Variants in LY96 observed in about 807,000 individuals in gnomAD.
The protein encoded by LY96 is lymphocyte antigen 96, also known as myeloid differentiation protein-2.
A neutral mutation model predicts 18.9 loss-of-function variants in LY96; 18 were observed. The observed-to-expected ratio is 0.95, with a 90% confidence interval of 0.66 to 1.41. LY96 has a LOEUF of 1.41. Among genes scored for constraint, LY96 ranks in the 40% most tolerant of loss-of-function variants. The pLI, the probability that LY96 is intolerant of heterozygous loss-of-function variation, is 0.00. For missense variants in LY96, 175 were observed against 182.4 expected (o/e 0.96, Z 0.23); for synonymous variants, 66 against 62.6 (o/e 1.06, Z -0.26).
chr8:74,011,414 A>T (rs563962066), intron 3 of LY96, among the ~76,000 whole-genome samples: 6 of 152,368 alleles, frequency 3.9e-5, no homozygotes, highest in African/African-American at 1.2e-4. Flanking sequence ...GCTTCTGCAT[A>T]GCAAAAGAAA....
chr8:74,079,240 G>T, the LY96 span, among the ~76,000 whole-genome samples: 2 of 152,174 alleles, frequency 1.3e-5, no homozygotes, highest in Non-Finnish European at 2.9e-5. Context: ...TCACACTCAG[G>T]CTGGAATTAC....
chr8:74,018,368 G>A (rs945261659), intron 3 of LY96, among the ~76,000 whole-genome samples: 3 of 152,228 alleles, frequency 2.0e-5, no homozygotes, highest in Non-Finnish European at 2.9e-5. Context: ...AACAAGAAGA[G>A]CTAACTATCC....
the LY96 span, among the ~76,000 whole-genome samples, chr8:74,069,575 A>AATTT: frequency 0.013 from 1,941 of 152,002 alleles, 39 homozygotes; most frequent in African/African-American, 0.039. Flanking sequence ...GCAGCCAATC[A>AATTT]ATTTATTTAT....
chr8:74,018,979 C>G (rs1816702333), intron 3 of LY96, among the ~76,000 whole-genome samples: 1 of 152,126 alleles, frequency 6.6e-6, no homozygotes, highest in African/African-American at 2.4e-5. Context: ...CAGAAAAGAT[C>G]TAAAATCGAC....
chr8:74,036,798 A>G, the LY96 span, among the ~76,000 whole-genome samples: 382 of 152,342 alleles, frequency 2.5e-3, no homozygotes, highest in African/African-American at 8.8e-3. Context: ...TTGATTACAC[A>G]TTAAGCTCTC....
At chr8:74,079,056 T>C in the LY96 span, among the ~76,000 whole-genome samples, 3 of 152,220 alleles carry the variant, frequency 2.0e-5, no homozygotes, top group Admixed American at 1.3e-4. Flanking sequence ...AACATTAGCA[T>C]TTGAATCAGT....
the LY96 span, among the ~76,000 whole-genome samples, chr8:74,034,843 G>A: frequency 6.6e-6 from 1 of 152,156 alleles, no homozygotes; most frequent in East Asian, 1.9e-4. Flanking sequence ...TTGAGGGATA[G>A]AATTAAGTCA....
the LY96 span, among the ~76,000 whole-genome samples, chr8:74,086,100 C>T: frequency 1.3e-5 from 2 of 152,100 alleles, no homozygotes; most frequent in African/African-American, 2.4e-5. Flanking sequence ...ATGGGTTCAA[C>T]TTTTTTAGAT....
the LY96 span, among the ~76,000 whole-genome samples, chr8:74,093,502 C>T: frequency 6.6e-6 from 1 of 152,136 alleles, no homozygotes. Context: ...AATATGAATC[C>T]TAAAAGTTTA....
At chr8:74,080,985 TC>T in the LY96 span, among the ~76,000 whole-genome samples, 38 of 24,602 alleles carry the variant, frequency 1.5e-3, no homozygotes, top group African/African-American at 5.0e-3. Flanking sequence ...TCTTTCTCTC[TC>T]TTTCTTTCTT....
rs757284442 is a variant in LY96, at chr8:74,010,082, G to A, written c.284G>A (p.Cys95Tyr). 7.4e-6 allele frequency: 12 copies of A among 1,613,086 alleles called. No individual in the cohort carries two copies. The highest frequency in any genetic ancestry group is 9.3e-6 in the Non-Finnish European group (11 of 1,179,390). ...MNLPKRKEVI[C>Y]RGSDDDYSFC... ...CTTCCAAAGCGCAAAGAAGTTATTT[G>A]CCGAGGATCTGATGACGATTACTCT... Residue 95 changes from cysteine (C) to tyrosine (Y), a missense_variant, in exon 3 of 5, where the codon TGC becomes TAC. Physicochemically the swap from Cys to Tyr is radical, Grantham distance 194. Coordinates refer to ENST00000284818, the MANE Select transcript of LY96 (RefSeq NM_015364.5).
the LY96 span, among the ~76,000 whole-genome samples, chr8:74,083,992 T>C: frequency 1.3e-5 from 2 of 152,086 alleles, no homozygotes. Flanking sequence ...CAGCCAAAAC[T>C]TTTCTAATCT....
At chr8:74,011,578 T>C (rs1250208853) in intron 3 of LY96, among the ~76,000 whole-genome samples, 1 of 151,386 alleles carries the variant, frequency 6.6e-6, no homozygotes, top group East Asian at 1.9e-4. Flanking sequence ...GTGGGAAGAG[T>C]GGCTAGGCGC....
At chr8:74,006,512 C>T (rs1355220538) in intron 2 of LY96, among the ~76,000 whole-genome samples, 2 of 152,166 alleles carry the variant, frequency 1.3e-5, no homozygotes, top group African/African-American at 2.4e-5. Context: ...AGACATTCTC[C>T]TGATCTTCAG....
chr8:74,019,697 C>G lies in LY96; in HGVS notation c.332-7092C>G, dbSNP rs188368341. The stretch of plus-strand genomic sequence containing the variant: ...TAAAATACTGGCAAACCAAATCCAG[C>G]AACACATCAAAAAGCTTATGCGCCA... On this transcript the variant is annotated intron_variant, in intron 3 of 4. Coordinates refer to ENST00000284818, the MANE Select transcript of LY96 (RefSeq NM_015364.5). 3.3e-5 allele frequency among the ~76,000 whole-genome samples: 5 copies of G among 152,272 alleles called. No individual in the cohort carries two copies. In the East Asian group the frequency reaches 7.7e-4, roughly 23 times the overall value.
chr8:74,033,458 C>T (rs550719470), downstream of LY96, among the ~76,000 whole-genome samples: 5 of 152,226 alleles, frequency 3.3e-5, no homozygotes, highest in Admixed American at 3.3e-4. Context: ...TTTGGCCCAA[C>T]CCCCTGCTGG....
At chr8:74,057,934 A>T in the LY96 span, among the ~76,000 whole-genome samples, 3 of 152,238 alleles carry the variant, frequency 2.0e-5, no homozygotes, top group Non-Finnish European at 4.4e-5. Context: ...GTGGAGTAGA[A>T]AAGGGTTCCA....
chr8:74,053,678 A>G, the LY96 span, among the ~76,000 whole-genome samples: 5 of 152,238 alleles, frequency 3.3e-5, no homozygotes, highest in Admixed American at 6.5e-5. Flanking sequence ...TGTAAGTAAC[A>G]CAAACTCCAA....
At chr8:74,042,052 C>A in the LY96 span, among the ~76,000 whole-genome samples, 1 of 152,226 alleles carries the variant, frequency 6.6e-6, no homozygotes, top group African/African-American at 2.4e-5. Flanking sequence ...TCTCTTTATT[C>A]TCTTTCTCTT....
Sources: allele counts gnomAD v4.1 joint callset (sites outside exome capture counted in the v4.1 genomes callset), GRCh38; gene constraint gnomAD v4.1.1; transcripts MANE v1.5; gene names NCBI Gene and HGNC (gene_info 2026-07-23, HGNC 2026-07-21).